The following RYR2 variants were observed in gnomAD, a reference collection of about 807,000 sequenced individuals.
RYR2 encodes the protein cardiac muscle ryanodine receptor-calcium release channel.
In RYR2, 227 loss-of-function variants were observed where a neutral mutation model predicts 601.1. The ratio of observed to expected loss-of-function variants is 0.38; its 90% CI spans 0.34 to 0.42. The LOEUF is 0.42. Ranked by LOEUF, RYR2 falls within the 10% of genes least tolerant of loss-of-function variation. The probability of loss-of-function intolerance (pLI) is 1.00; values close to 1 mark genes in which losing one functional copy is unlikely to be tolerated. For missense variants in RYR2, 4,646 were observed against 6,156.5 expected (o/e 0.75, Z 8.21); for synonymous variants, 2,223 against 2,175.1 (o/e 1.02, Z -0.61).
At chr1:237,716,945 A>T (rs1005222135) in intron 71 of RYR2, among the ~76,000 whole-genome samples, 1 of 152,180 alleles carries the variant, frequency 6.6e-6, no homozygotes, top group Non-Finnish European at 1.5e-5. Context: ...TACAATTTTC[A>T]TTTGTCTTCT....
At chr1:237,471,278 T>C (rs939065268) in intron 17 of RYR2, 1 of 152,274 alleles carries the variant, frequency 6.6e-6, no homozygotes, top group Non-Finnish European at 1.5e-5. Flanking sequence ...TGCTTCTCTA[T>C]GTCTGCAGCT....
At chr1:237,091,040 G>T (rs1180054017) in intron 1 of RYR2, among the ~76,000 whole-genome samples, 1 of 152,168 alleles carries the variant, frequency 6.6e-6, no homozygotes, top group African/African-American at 2.4e-5. Flanking sequence ...CATGACATTT[G>T]TGTAGAGTAA....
chr1:237,201,701 C>T (rs1264979204), intron 1 of RYR2, among the ~76,000 whole-genome samples: 1 of 152,122 alleles, frequency 6.6e-6, no homozygotes, highest in Admixed American at 6.6e-5. Flanking sequence ...GTGGAATTTT[C>T]ACTGGATGAG....
intron 35 of RYR2, among the ~76,000 whole-genome samples, chr1:237,608,869 T>C (rs894800002): frequency 2.0e-5 from 3 of 150,378 alleles, no homozygotes; most frequent in Non-Finnish European, 4.4e-5. Flanking sequence ...GACTGATATA[T>C]TCAGTCATCT....
rs1558425913 is a variant in RYR2 at position 237,792,392 on chromosome 1, T to TGTGC, written c.13782+72_13782+73insCGTG. 3.9e-6 allele frequency: 3 copies of TGTGC among 770,132 alleles called. No homozygotes were observed. In the African/African-American group the frequency reaches 9.1e-5, roughly 23 times the overall value. The allele number at this position is 770,132 out of a possible 1,614,324, so 47.7% of individuals were successfully genotyped here. A position where few individuals can be genotyped will look rare whatever the true frequency, so the allele number is the denominator to read the frequency against. On this transcript the variant is annotated intron_variant, in intron 94 of 104. Transcript: ENST00000366574. Reference sequence around the variant, plus strand: ...GTGTGTGTGTGTGTGCGTGTGTGTGTGTGTGCGTGTGTGTGTGTGTGTGTG... The same window carrying TGTGC: ...GTGTGTGTGTGTGTGCGTGTGTGTGTGTGCGTGTGCGTGTGTGTGTGTGTGTGTG...
chr1:237,115,236 AC>A (rs66869261), intron 1 of RYR2, among the ~76,000 whole-genome samples: 54,847 of 149,856 alleles, frequency 0.37, 11,268 homozygotes, highest in Middle Eastern at 0.51. Context: ...TGGAAACCAC[AC>A]CCCCCCCCTT....
intron 34 of RYR2, among the ~76,000 whole-genome samples, chr1:237,596,428 A>G (rs1259083045): frequency 2.0e-5 from 3 of 152,190 alleles, no homozygotes; most frequent in African/African-American, 7.2e-5. Context: ...TGAGGGTTTC[A>G]ACAACAGACT....
chr1:237,049,954 A>G (rs1307294878), intron 1 of RYR2, among the ~76,000 whole-genome samples: 1 of 152,162 alleles, frequency 6.6e-6, no homozygotes, highest in Non-Finnish European at 1.5e-5. Context: ...GGGGTTTCCC[A>G]GAATGTTACA....
intron 3 of RYR2, chr1:237,352,910 T>G (rs1347368873): frequency 4.0e-6 from 2 of 504,782 alleles, no homozygotes; most frequent in South Asian, 2.9e-5. Flanking sequence ...CCTACCATCT[T>G]ACATAAAAAA....
chr1:237,061,802 G>GTT (rs984864141), intron 1 of RYR2, among the ~76,000 whole-genome samples: 1 of 147,312 alleles, frequency 6.8e-6, no homozygotes, highest in African/African-American at 2.5e-5. Context: ...ATGGTTTGTG[G>GTT]TTTTTTTTTT....
At chr1:237,647,701 A>G (rs993442238) in intron 48 of RYR2, among the ~76,000 whole-genome samples, 3 of 152,230 alleles carry the variant, frequency 2.0e-5, no homozygotes, top group Non-Finnish European at 4.4e-5. Context: ...GTAGAAGAGT[A>G]CAGTGTGTGG....
intron 60 of RYR2, among the ~76,000 whole-genome samples, chr1:237,676,525 GT>G (rs2148919233): frequency 6.6e-6 from 1 of 152,272 alleles, no homozygotes; most frequent in African/African-American, 2.4e-5. Context: ...TGTGTGTACC[GT>G]TTTCAGATGG....
At chr1:237,700,495 T>A (rs760216534) in intron 65 of RYR2, 28 bp downstream of exon 65, 1 of 1,218,206 alleles carries the variant, frequency 8.2e-7, no homozygotes, top group South Asian at 1.4e-5. Context: ...TTGGAGTTTT[T>A]TTTTTTTTAA....
At chr1:237,491,112 A>G (rs893697931) in intron 17 of RYR2, among the ~76,000 whole-genome samples, 1 of 152,150 alleles carries the variant, frequency 6.6e-6, no homozygotes, top group Non-Finnish European at 1.5e-5. Context: ...TTCCTTTTTA[A>G]ACTTCAAGAA....
intron 43 of RYR2, 74 bp from the exon 44 acceptor site, chr1:237,634,815 G>T: frequency 1.9e-6 from 2 of 1,071,800 alleles, no homozygotes; most frequent in Non-Finnish European, 2.8e-6. Flanking sequence ...ATTTTAAGAG[G>T]TAGTATATTT....
In RYR2 at chr1:237,088,423, C is replaced by T. The variant is rs552475108; in HGVS notation, c.48+45854C>T. Among the ~76,000 whole-genome samples the T allele has an allele frequency of 1.3e-3, 194 of 152,274 alleles. 1 individual carries two copies. Among genetic ancestry groups the T allele is most frequent in the African/African-American group, 4.4e-3 (184 of 41,550 alleles). ...CAAGACTAAACCATATTTACAAGTTCCTTCAACAAATGTGTAAATGTGTAT... is the reference window on the plus strand; with the variant it reads ...CAAGACTAAACCATATTTACAAGTTTCTTCAACAAATGTGTAAATGTGTAT... On this transcript the variant is annotated intron_variant, in intron 1 of 104. Transcript: ENST00000366574.
At chr1:237,195,328 A>G (rs982102884) in intron 1 of RYR2, among the ~76,000 whole-genome samples, 41 of 152,322 alleles carry the variant, frequency 2.7e-4, no homozygotes, top group African/African-American at 8.9e-4. Flanking sequence ...ATCTCGGTTC[A>G]CCACAACATC....
intron 4 of RYR2, among the ~76,000 whole-genome samples, chr1:237,357,079 A>G: frequency 6.6e-6 from 1 of 151,896 alleles, no homozygotes; most frequent in Non-Finnish European, 1.5e-5. Context: ...TTAGCCCTTT[A>G]AAGACAAGGA....
At chr1:237,709,602 GT>G in intron 70 of RYR2, 35 bp downstream of exon 70, 1 of 1,328,918 alleles carries the variant, frequency 7.5e-7, no homozygotes, top group Admixed American at 1.9e-5. Flanking sequence ...CACGCCTACT[GT>G]TTGTAGGCAC....
Sources: gnomAD v4.1 joint callset for allele counts (sites outside exome capture counted in the v4.1 genomes callset) on GRCh38, gnomAD v4.1.1 for gene constraint, MANE v1.5 for transcripts, NCBI Gene and HGNC (gene_info 2026-07-23, HGNC 2026-07-21) for gene names.